SLC8A1: variants seen among roughly 807,000 people sequenced by gnomAD.
SLC8A1 encodes solute carrier family 8 member A1.
In SLC8A1, 18 loss-of-function variants were observed where a neutral mutation model predicts 68.3. The observed-to-expected ratio is 0.26, with a 90% CI of 0.18 to 0.39. The LOEUF is 0.39. SLC8A1 is among the 10% of genes least tolerant of loss of function. SLC8A1 has a pLI of 1.00. For synonymous variants in SLC8A1, 475 were observed against 415.5 expected (o/e 1.14, Z -1.74); for missense variants, 985 against 1,156.7 (o/e 0.85, Z 2.15).
At chr2:40,297,256 G>A (rs1181550268) in intron 2 of SLC8A1, among the ~76,000 whole-genome samples, 1 of 152,128 alleles carries the variant, frequency 6.6e-6, no homozygotes, top group Non-Finnish European at 1.5e-5. Context: ...ATAAATACAT[G>A]TTCATAAACT....
At chr2:40,140,153 C>T (rs1168776728) in intron 6 of SLC8A1, among the ~76,000 whole-genome samples, 1 of 152,144 alleles carries the variant, frequency 6.6e-6, no homozygotes, top group Non-Finnish European at 1.5e-5. Flanking sequence ...CACACAGGGC[C>T]GTTAATCATG....
chr2:40,153,288 G>T (rs957160370), intron 6 of SLC8A1, among the ~76,000 whole-genome samples: 1 of 152,136 alleles, frequency 6.6e-6, no homozygotes, highest in Non-Finnish European at 1.5e-5. Flanking sequence ...AACTCACAAG[G>T]TCATCTCTTC....
chr2:40,124,904 T>A (rs558828856), intron 7 of SLC8A1, among the ~76,000 whole-genome samples: 2 of 152,334 alleles, frequency 1.3e-5, no homozygotes, highest in South Asian at 4.1e-4. Flanking sequence ...AAAGTATGGG[T>A]AAATATTTGC....
intron 2 of SLC8A1, among the ~76,000 whole-genome samples, chr2:40,183,903 C>G (rs2050116442): frequency 6.6e-6 from 1 of 152,074 alleles, no homozygotes; most frequent in African/African-American, 2.4e-5. Flanking sequence ...TGCCTGTAAT[C>G]CTAGCACTTT....
chr2:40,416,126 G>A (rs911035365), intron 2 of SLC8A1, among the ~76,000 whole-genome samples: 3 of 150,098 alleles, frequency 2.0e-5, no homozygotes, highest in Admixed American at 2.0e-4. Flanking sequence ...TTCAAATTAG[G>A]TTGACTATGC....
At chr2:40,440,426 C>T (rs561130507) in intron 1 of SLC8A1, among the ~76,000 whole-genome samples, 6 of 152,164 alleles carry the variant, frequency 3.9e-5, no homozygotes, top group South Asian at 4.1e-4. Flanking sequence ...GAAGCCTTTG[C>T]TAATGCAACA....
chr2:40,397,183 A>G (rs367666311), intron 2 of SLC8A1, among the ~76,000 whole-genome samples: 8 of 152,152 alleles, frequency 5.3e-5, no homozygotes, highest in Non-Finnish European at 1.0e-4. Context: ...GATATCCAAG[A>G]AGGTGTCTGA....
chr2:40,511,291 T>C (rs1437307459), intron 1 of SLC8A1, among the ~76,000 whole-genome samples: 1 of 152,204 alleles, frequency 6.6e-6, no homozygotes, highest in Non-Finnish European at 1.5e-5. Context: ...GTAAATTTTT[T>C]TAATTCAATC....
chr2:40,293,053 T>C (rs76282216), intron 2 of SLC8A1, among the ~76,000 whole-genome samples: 2,468 of 152,124 alleles, frequency 0.016, 59 homozygotes, highest in African/African-American at 0.056. Context: ...TCTTATTTTG[T>C]TGTTGTTGTT....
chr2:40,304,396 G>A (rs2072161274), intron 2 of SLC8A1, among the ~76,000 whole-genome samples: 1 of 152,144 alleles, frequency 6.6e-6, no homozygotes. Context: ...GAATCCCTAT[G>A]TTAATTACCA....
chr2:40,205,661 G>T (rs2055279686), intron 2 of SLC8A1, among the ~76,000 whole-genome samples: 1 of 151,994 alleles, frequency 6.6e-6, no homozygotes, highest in Non-Finnish European at 1.5e-5. Flanking sequence ...GTGGAAGGTG[G>T]GAGGAGAGAG....
At chr2:40,398,418 T>C (rs938019796) in intron 2 of SLC8A1, among the ~76,000 whole-genome samples, 9 of 152,220 alleles carry the variant, frequency 5.9e-5, no homozygotes, top group Admixed American at 3.3e-4. Context: ...TTTTCTACTG[T>C]ATGTAGTTAA....
At chr2:40,125,273 A>G (rs1257123115) in intron 7 of SLC8A1, among the ~76,000 whole-genome samples, 1 of 152,130 alleles carries the variant, frequency 6.6e-6, no homozygotes. Flanking sequence ...GTGCATCTCG[A>G]AGGGTGTAGC....
intron 2 of SLC8A1, among the ~76,000 whole-genome samples, chr2:40,370,217 C>A (rs1157875130): frequency 6.6e-6 from 1 of 152,060 alleles, no homozygotes; most frequent in Non-Finnish European, 1.5e-5. Context: ...GAGTGATCAC[C>A]CTTACAGAAT....
intron 2 of SLC8A1, among the ~76,000 whole-genome samples, chr2:40,426,280 C>A (rs1199815918): frequency 6.6e-6 from 1 of 151,900 alleles, no homozygotes; most frequent in Non-Finnish European, 1.5e-5. Context: ...AAGAAACTTG[C>A]GATTGATCTT....
chr2:40,322,278 C>T (rs1485352571), intron 2 of SLC8A1, among the ~76,000 whole-genome samples: 2 of 151,694 alleles, frequency 1.3e-5, no homozygotes, highest in Admixed American at 1.3e-4. Context: ...TTTTTCATTC[C>T]ATGGAACCAC....
intron 1 of SLC8A1, among the ~76,000 whole-genome samples, chr2:40,434,338 T>C (rs1290173547): frequency 6.6e-6 from 1 of 152,214 alleles, no homozygotes; most frequent in Non-Finnish European, 1.5e-5. Context: ...TCTCTGGACT[T>C]AAATTTCTTT....
chr2:40,103,347 G>A (rs1221689133), exon 8 of SLC8A1: 1 of 152,118 alleles, frequency 6.6e-6, no homozygotes, highest in South Asian at 2.1e-4. Context: ...TGGCCGACCG[G>A]TTGATTGCTA....
chr2:40,228,204 T>C (rs553472585), intron 2 of SLC8A1, among the ~76,000 whole-genome samples: 3 of 152,300 alleles, frequency 2.0e-5, no homozygotes, highest in African/African-American at 7.2e-5. Context: ...AGTGTAAAGG[T>C]TACCCAAGCT....
Sources: gnomAD v4.1 joint callset for allele counts (sites outside exome capture counted in the v4.1 genomes callset) on GRCh38, gnomAD v4.1.1 for gene constraint, MANE v1.5 for transcripts, NCBI Gene and HGNC (gene_info 2026-07-23, HGNC 2026-07-21) for gene names.